Variants in ADGRV1 observed in about 807,000 individuals in gnomAD.
ADGRV1 encodes the protein adhesion G protein-coupled receptor V1.
In ADGRV1, 359 loss-of-function variants were observed where a neutral mutation model predicts 596.2. The observed-to-expected ratio is 0.60, with a 90% CI of 0.55 to 0.66. The LOEUF (loss-of-function observed/expected upper bound fraction) is 0.66, where lower values mean the gene tolerates loss of function less well. ADGRV1 is among the 30% of genes least tolerant of loss of function. The probability of loss-of-function intolerance (pLI) is 0.00; values close to 1 mark genes in which losing one functional copy is unlikely to be tolerated. For synonymous variants in ADGRV1, 2,681 were observed against 2,679.2 expected, an observed-to-expected ratio of 1.00 and a Z score of -0.02; for missense variants, 7,274 against 7,575.6, an observed-to-expected ratio of 0.96 and a Z score of 1.48.
In ADGRV1 at chr5:90,865,458, AC is replaced by A. The variant is rs567458769; in HGVS notation, c.17856+1603del. On this transcript the variant is annotated intron_variant, in intron 83 of 89. Coordinates refer to ENST00000405460, the MANE Select transcript of ADGRV1 (RefSeq NM_032119.4). ...CGTGTCTAGGGATGTGAAAGACAAA[AC>A]CAGGATTTCTATGTTGGAGCACTGA... Among the ~76,000 whole-genome samples, 158 of 152,214 alleles carry A rather than the reference AC, an allele frequency of 1.0e-3. 1 individual carries two copies. The highest frequency in any genetic ancestry group is 2.3e-3 in the South Asian group (11 of 4,828).
At chr5:90,871,412 T>C (rs1283042330) in intron 83 of ADGRV1, among the ~76,000 whole-genome samples, 1 of 152,206 alleles carries the variant, frequency 6.6e-6, no homozygotes, top group African/African-American at 2.4e-5. Flanking sequence ...TCAAATAGAC[T>C]GTTCTCACTA....
intron 1 of ADGRV1, among the ~76,000 whole-genome samples, chr5:90,561,756 A>C (rs964770386): frequency 6.6e-6 from 1 of 152,190 alleles, no homozygotes; most frequent in African/African-American, 2.4e-5. Flanking sequence ...GCAACTAGAC[A>C]ATTTATGATG....
intron 84 of ADGRV1, among the ~76,000 whole-genome samples, chr5:90,976,325 T>TATAC (rs1159035483): frequency 2.0e-5 from 2 of 100,462 alleles, no homozygotes; most frequent in East Asian, 5.4e-4. Flanking sequence ...TGTGTGTGTA[T>TATAC]ATATATATAT....
chr5:90,852,668 T>C (rs553168637), intron 79 of ADGRV1, among the ~76,000 whole-genome samples: 1 of 152,212 alleles, frequency 6.6e-6, no homozygotes, highest in Non-Finnish European at 1.5e-5. Context: ...CAATGCACAC[T>C]GAGGTTTAGA....
chr5:90,694,471 T>C lies in ADGRV1; in HGVS notation c.7715T>C (p.Leu2572Pro). ...QPNISTVVIA[L>P]NGDAFGVFVI... The stretch of plus-strand genomic sequence containing the variant: ...AATATTTCTACAGTTGTCATAGCAC[T>C]AAATGGTGATGCCTTTGGAGTGTTT... Residue 2572 changes from leucine to proline, a missense_variant, in exon 33 of 90, where the codon CTA becomes CCA. This residue lies in a region of ADGRV1 where 3,643 missense variants were observed against 3,809.2 expected (regional missense o/e 0.96). Coordinates refer to ENST00000405460, the MANE Select transcript of ADGRV1 (RefSeq NM_032119.4). 1 of 1,613,962 alleles carries C rather than the reference T, an allele frequency of 6.2e-7. No homozygotes were observed. Among genetic ancestry groups the C allele is most frequent in the Non-Finnish European group, 8.5e-7 (1 of 1,179,848 alleles).
At chr5:90,965,202 A>T (rs546561815) in intron 83 of ADGRV1, among the ~76,000 whole-genome samples, 32 of 152,298 alleles carry the variant, frequency 2.1e-4, no homozygotes, top group Admixed American at 7.8e-4. Context: ...CATGTAGCAT[A>T]ATTTCATATC....
At chr5:91,077,761 C>G (rs561720323) in intron 86 of ADGRV1, among the ~76,000 whole-genome samples, 1 of 152,172 alleles carries the variant, frequency 6.6e-6, no homozygotes, top group South Asian at 2.1e-4. Context: ...AGGTATGTAC[C>G]TGAACTAAAT....
intron 38 of ADGRV1, among the ~76,000 whole-genome samples, chr5:90,707,983 A>T (rs946815839): frequency 1.3e-5 from 2 of 152,142 alleles, no homozygotes; most frequent in Non-Finnish European, 2.9e-5. Flanking sequence ...GTTGGTCCAT[A>T]TATTACATAA....
At chr5:91,042,055 C>T (rs758757384) in intron 85 of ADGRV1, among the ~76,000 whole-genome samples, 6 of 152,136 alleles carry the variant, frequency 3.9e-5, no homozygotes, top group Non-Finnish European at 7.4e-5. Flanking sequence ...ACTTGAGGCT[C>T]TTAGTTTTAT....
At chr5:90,632,079 G>A (rs951486578) in intron 9 of ADGRV1, among the ~76,000 whole-genome samples, 3 of 152,246 alleles carry the variant, frequency 2.0e-5, no homozygotes, top group South Asian at 4.1e-4. Context: ...CTTCTCTGCT[G>A]TCAGTGTCCT....
rs137999556 is a variant in ADGRV1, at chr5:91,055,104, G to A, written c.18153-17343G>A. ...GTTTTTCTTGCTTTCAAATGACTGA[G>A]CACCAACCCAGAGCCTTCACATTTA... On this transcript the variant is annotated intron_variant, in intron 85 of 89. Transcript: ENST00000405460. 1.0e-3 allele frequency among the ~76,000 whole-genome samples: 152 copies of A among 152,270 alleles called. No homozygotes were observed. In the East Asian group the frequency reaches 0.012, roughly 12 times the overall value.
At chr5:91,094,963 T>C (rs1184667391) in intron 86 of ADGRV1, among the ~76,000 whole-genome samples, 2 of 152,070 alleles carry the variant, frequency 1.3e-5, no homozygotes, top group Non-Finnish European at 2.9e-5. Flanking sequence ...GTTGATAGAG[T>C]CTAGCCTGCT....
At chr5:90,727,036 C>T (rs1168404823) in intron 48 of ADGRV1, among the ~76,000 whole-genome samples, 1 of 152,138 alleles carries the variant, frequency 6.6e-6, no homozygotes, top group Non-Finnish European at 1.5e-5. Flanking sequence ...ATAGCAACCC[C>T]ACGAACTCAG....
intron 85 of ADGRV1, among the ~76,000 whole-genome samples, chr5:91,055,358 G>A (rs1312566287): frequency 6.6e-6 from 1 of 150,476 alleles, no homozygotes; most frequent in African/African-American, 2.4e-5. Flanking sequence ...ACATTACAGT[G>A]TTACAGCAAA....
rs145157227 is a variant in ADGRV1 at position 90,582,383 on chromosome 5, G to T, written c.22+23466G>T. On this transcript the variant is annotated intron_variant, in intron 1 of 89. Coordinates refer to ENST00000405460, the MANE Select transcript of ADGRV1 (RefSeq NM_032119.4). ...ATAAATCTGGGTGCTCTAGAGTTGG[G>T]TGTGTATATATTTAGGATAGCCAGA... 2.0e-4 allele frequency among the ~76,000 whole-genome samples: 31 copies of T among 152,216 alleles called. No homozygotes were observed. The East Asian group carries it at 5.8e-3, about 28-fold the overall frequency.
chr5:90,994,842 A>C (rs1452427325), intron 85 of ADGRV1, among the ~76,000 whole-genome samples: 3 of 152,222 alleles, frequency 2.0e-5, no homozygotes, highest in Non-Finnish European at 2.9e-5. Context: ...GATTGAACAG[A>C]GATTTCCTTA....
chr5:90,876,541 C>T (rs550642906), intron 83 of ADGRV1, among the ~76,000 whole-genome samples: 1 of 152,252 alleles, frequency 6.6e-6, no homozygotes, highest in African/African-American at 2.4e-5. Flanking sequence ...ACTAGATACT[C>T]GTGAAACTCC....
At chr5:90,649,045 C>A (rs1364483928) in intron 17 of ADGRV1, among the ~76,000 whole-genome samples, 1 of 152,152 alleles carries the variant, frequency 6.6e-6, no homozygotes, top group Non-Finnish European at 1.5e-5. Flanking sequence ...CACTCTGTCA[C>A]CAGGCTGGAG....
chr5:90,570,133 T>C (rs1412591929), intron 1 of ADGRV1, among the ~76,000 whole-genome samples: 1 of 152,192 alleles, frequency 6.6e-6, no homozygotes, highest in African/African-American at 2.4e-5. Flanking sequence ...GGAAAGTTGC[T>C]AACCACATAG....
Sources: allele counts gnomAD v4.1 joint callset (sites outside exome capture counted in the v4.1 genomes callset), GRCh38; gene constraint gnomAD v4.1.1; regional missense constraint gnomAD v4.1.1; transcripts MANE v1.5; gene names NCBI Gene and HGNC (gene_info 2026-07-23, HGNC 2026-07-21).